Variants in USP42 observed in about 807,000 individuals in gnomAD.
USP42 encodes ubiquitin specific peptidase 42.
In USP42, 23 loss-of-function variants were observed where a neutral mutation model predicts 113.0. The observed-to-expected ratio is 0.20, with a 90% confidence interval of 0.15 to 0.29. The LOEUF is 0.29. Ranked by LOEUF, USP42 falls within the 10% of genes least tolerant of loss-of-function variation. USP42 has a pLI of 1.00. For missense variants in USP42, 2,174 were observed against 1,779.8 expected (o/e 1.22, Z -3.99); for synonymous variants, 933 against 699.0 (o/e 1.33, Z -5.28).
chr7:6,158,046 T>G lies in USP42; in HGVS notation c.3943+991T>G, dbSNP rs1384017968. 6.6e-6 allele frequency among the ~76,000 whole-genome samples: 1 copy of G among 152,260 alleles called. No homozygotes were observed. Among genetic ancestry groups the G allele is most frequent in the Non-Finnish European group, 1.5e-5 (1 of 68,040 alleles). ...GCAAACTGCAGCCCTGGGGCCAACT[T>G]CGGCCAGTCACCAGACTTTGTATGA... On this transcript the variant is annotated intron_variant, in intron 16 of 17. Coordinates refer to ENST00000306177, the MANE Select transcript of USP42 (RefSeq NM_032172.3). The surrounding 1 kb of genome is among the most constrained non-coding windows in gnomAD (Gnocchi z 4.2).
chr7:6,148,635 G>A (rs560565291), intron 12 of USP42, among the ~76,000 whole-genome samples: 1 of 152,346 alleles, frequency 6.6e-6, no homozygotes, highest in East Asian at 1.9e-4. Flanking sequence ...GGGGCGAACA[G>A]TAGTGAGCTA....
chr7:6,107,923 T>A (rs1779381818), intron 1 of USP42, among the ~76,000 whole-genome samples: 1 of 152,148 alleles, frequency 6.6e-6, no homozygotes, highest in African/African-American at 2.4e-5. Context: ...TATTTCTACT[T>A]GAGTTCAGAA....
chr7:6,091,483 C>A, the USP42 span, among the ~76,000 whole-genome samples: 1 of 150,698 alleles, frequency 6.6e-6, no homozygotes, highest in Non-Finnish European at 1.5e-5. Context: ...CTACTTTGGC[C>A]TCCCCAAATG....
intron 3 of USP42, among the ~76,000 whole-genome samples, chr7:6,130,431 C>T (rs1012659398): frequency 6.6e-6 from 1 of 152,182 alleles, no homozygotes; most frequent in African/African-American, 2.4e-5. Context: ...CTCTGACCCT[C>T]ACCGGGGGCT....
intron 2 of USP42, among the ~76,000 whole-genome samples, chr7:6,114,930 T>G (rs1779832564): frequency 6.6e-6 from 1 of 151,928 alleles, no homozygotes; most frequent in Admixed American, 6.6e-5. Flanking sequence ...GACCTCATAA[T>G]CCGCCTGCCT....
At chr7:6,105,768 G>T (rs1779245948) in intron 1 of USP42, among the ~76,000 whole-genome samples, 2 of 152,218 alleles carry the variant, frequency 1.3e-5, no homozygotes, top group African/African-American at 4.8e-5. Context: ...CGGGGGATCC[G>T]TTGCAGATGT....
chr7:6,146,856 A>G (rs1281898724), intron 11 of USP42, among the ~76,000 whole-genome samples: 1 of 152,192 alleles, frequency 6.6e-6, no homozygotes, highest in Non-Finnish European at 1.5e-5. Context: ...CAGGAGCCAC[A>G]GGACAATGAG....
Position 6,115,194 on chromosome 7 carries a change from CT to C in USP42, c.242-128del, listed in dbSNP as rs996394736. ...GTCTTTTAAAATGTCCCTCTTCCCC[CT>C]GTATTTCAGGTAGGCTGGTCATGAG... On this transcript the variant is annotated intron_variant, in intron 2 of 17. Coordinates refer to ENST00000306177, the MANE Select transcript of USP42 (RefSeq NM_032172.3). The C allele has an allele frequency of 8.3e-6, 7 of 847,708 alleles. No individual in the cohort carries two copies. In the African/African-American group the frequency reaches 1.0e-4, roughly 12 times the overall value. The allele number at this position is 847,708 out of a possible 1,614,324, so 52.5% of individuals were successfully genotyped here. A position where few individuals can be genotyped will look rare whatever the true frequency, so the allele number is the denominator to read the frequency against.
intron 7 of USP42, 30 bp from the exon 8 acceptor site, chr7:6,142,902 A>G (rs1484833046): frequency 1.2e-6 from 2 of 1,609,390 alleles, no homozygotes; most frequent in East Asian, 2.2e-5. Flanking sequence ...GTGTGCGGTG[A>G]TGTGGTGTTT....
intron 3 of USP42, among the ~76,000 whole-genome samples, chr7:6,119,347 G>T (rs1011966872): frequency 6.6e-5 from 10 of 152,112 alleles, no homozygotes; most frequent in Non-Finnish European, 1.3e-4. Context: ...GGCGGCAAGC[G>T]CTAGTCCTGG....
chr7:6,116,206 T>C (rs1436752173), intron 3 of USP42, among the ~76,000 whole-genome samples: 2 of 151,934 alleles, frequency 1.3e-5, no homozygotes, highest in Non-Finnish European at 2.9e-5. Context: ...GGCTCAATCA[T>C]TTACATGCTT....
Position 6,154,691 on chromosome 7 carries a change from G to A in USP42, c.3137G>A (p.Arg1046Gln), listed in dbSNP as rs1288153790. ...ACCGAGGGCGAGCGTGGCTGGGGCC[G>A]GGAGAAGTTCTACCCCGACAGGCCG... ...HYTEGERGWG[R>Q]EKFYPDRPRW... Residue 1046 changes from arginine to glutamine, a missense_variant, in exon 15 of 18, where the codon CGG becomes CAG. Coordinates refer to ENST00000306177, the MANE Select transcript of USP42 (RefSeq NM_032172.3). 4 of 1,603,430 alleles carry A rather than the reference G, an allele frequency of 2.5e-6. No individual in the cohort carries two copies. The highest frequency in any genetic ancestry group is 3.4e-5 in the Admixed American group (2 of 59,184).
chr7:6,148,825 G>A (rs994222929), intron 12 of USP42, among the ~76,000 whole-genome samples: 4 of 152,182 alleles, frequency 2.6e-5, no homozygotes, highest in African/African-American at 7.2e-5. Context: ...AATGCCCAGC[G>A]GGCTCCCCTT....
At chr7:6,082,680 G>A in the USP42 span, among the ~76,000 whole-genome samples, 1 of 123,176 alleles carries the variant, frequency 8.1e-6, no homozygotes, top group Non-Finnish European at 1.6e-5. Flanking sequence ...GCATGATCTT[G>A]GCTCACTGCA....
intron 11 of USP42, 143 bp downstream of exon 11, chr7:6,146,391 G>A: frequency 1.6e-6 from 1 of 629,704 alleles, no homozygotes; most frequent in African/African-American, 1.9e-5. Context: ...TGGGCATGGT[G>A]CCTCACGCCT....
At chr7:6,156,629 G>C (rs1782458916) in intron 15 of USP42, 125 bp from the exon 16 acceptor site, 4 of 1,385,952 alleles carry the variant, frequency 2.9e-6, no homozygotes, top group Non-Finnish European at 3.7e-6. Flanking sequence ...TGGCTAATTA[G>C]ATAAGAATTG....
chr7:6,114,601 T>C (rs978718135), intron 2 of USP42, among the ~76,000 whole-genome samples: 1 of 146,016 alleles, frequency 6.8e-6, no homozygotes, highest in African/African-American at 2.5e-5. Context: ...GTTTTATGTA[T>C]ATATAAAATA....
chr7:6,134,788 C>CT (rs1468426549), intron 3 of USP42, among the ~76,000 whole-genome samples: 2 of 151,984 alleles, frequency 1.3e-5, no homozygotes, highest in Non-Finnish European at 2.9e-5. Context: ...TTTTTCTTTT[C>CT]TTTCTTTGTT....
In USP42 at chr7:6,154,132, C is replaced by T. The variant is rs763643443; in HGVS notation, c.2578C>T (p.Pro860Ser). The change falls in exon 15 of 18, where the codon CCT becomes TCT. Residue 860 changes from proline (P) to serine (S), a missense_variant. By Grantham distance (74) the Pro-to-Ser change is moderately conservative. Coordinates refer to ENST00000306177, the MANE Select transcript of USP42 (RefSeq NM_032172.3). ...EAPEGLSPAPPARSEEPCEQP... is the reference protein window; with the variant it reads ...EAPEGLSPAPSARSEEPCEQP... ...CCCGGAAGGGTTGAGTCCGGCTCCG[C>T]CTGCGCGGTCGGAGGAGCCCTGCGA... 12 of 1,598,116 alleles carry T rather than the reference C, an allele frequency of 7.5e-6. No individual in the cohort carries two copies. The highest frequency in any genetic ancestry group is 1.1e-5 in the South Asian group (1 of 90,628).
Sources: gnomAD v4.1 joint callset for allele counts (sites outside exome capture counted in the v4.1 genomes callset) on GRCh38, gnomAD v4.1.1 for gene constraint, Gnocchi (gnomAD v3.1) non-coding constraint, MANE v1.5 for transcripts, NCBI Gene and HGNC (gene_info 2026-07-23, HGNC 2026-07-21) for gene names.